Variants in BRSK2 observed in about 807,000 individuals in gnomAD.
BRSK2 encodes the protein serine/threonine-protein kinase BRSK2.
In BRSK2, 19 loss-of-function variants were observed where a neutral mutation model predicts 83.3. That is an observed-to-expected ratio of 0.23 (90% CI 0.16 to 0.33). The LOEUF is 0.33. Among genes scored for constraint, BRSK2 ranks in the 10% least tolerant of loss-of-function variants. The probability of loss-of-function intolerance (pLI) is 1.00; values close to 1 mark genes in which losing one functional copy is unlikely to be tolerated. For missense variants in BRSK2, 798 were observed against 1,042.3 expected (o/e 0.77, Z 3.23); for synonymous variants, 519 against 435.4 (o/e 1.19, Z -2.39).
rs1359058323 is a variant in BRSK2, at chr11:1,390,556, C to A, written c.91+181C>A. On this transcript the variant is annotated intron_variant, in intron 1 of 19. Coordinates refer to ENST00000528841, the MANE Select transcript of BRSK2 (RefSeq NM_001256627.2). This position sits in a 1 kb window ranked among gnomAD's most constrained non-coding sequence, Gnocchi z 6.8. ...TGCGCCCCGGTTCCGCCGCGGATCC[C>A]GCAGGCCGCTTGGCTGCGGTCGGCC... Among the ~76,000 whole-genome samples the A allele has an allele frequency of 6.8e-6, 1 of 146,022 alleles. No individual in the cohort carries two copies. The highest frequency in any genetic ancestry group is 2.0e-4 in the East Asian group (1 of 4,994).
rs1851124149 is a variant in BRSK2, at chr11:1,440,800, A to G, written c.285A>G (p.Leu95=). 1.3e-6 allele frequency: 2 copies of G among 1,576,664 alleles called. No homozygotes were observed. Among genetic ancestry groups the G allele is most frequent in the Admixed American group, 1.8e-5 (1 of 54,424 alleles). The change falls in exon 4 of 20, where the codon CTA becomes CTG. Residue 95 remains leucine (L), a synonymous_variant. Coordinates refer to ENST00000528841, the MANE Select transcript of BRSK2 (RefSeq NM_001256627.2). ...YENKKYLYLV[L]EHVSGGELFD... ...CCGTCTCCTGCAGGTACCTGGTGCT[A>G]GAACACGTGTCAGGTGGTGAGCTCT...
At chr11:1,399,309 C>T (rs1846321104) in intron 1 of BRSK2, among the ~76,000 whole-genome samples, 1 of 146,272 alleles carries the variant, frequency 6.8e-6, no homozygotes, top group Non-Finnish European at 1.5e-5. Flanking sequence ...TGGGGTGGTG[C>T]CAGGGGGTTG....
intron 1 of BRSK2, 25 bp from the exon 2 acceptor site, chr11:1,436,015 G>C (rs965493199): frequency 6.3e-7 from 1 of 1,583,348 alleles, no homozygotes; most frequent in Admixed American, 1.7e-5. Flanking sequence ...GGGTGGGTCT[G>C]AGCGCGGCTG....
chr11:1,445,214 G>A, intron 9 of BRSK2, 80 bp from the exon 10 acceptor site: 2 of 1,528,566 alleles, frequency 1.3e-6, no homozygotes, highest in South Asian at 1.2e-5. Flanking sequence ...AGGGCCCCAG[G>A]TGAGGGCGGG....
intron 8 of BRSK2, 56 bp from the exon 9 acceptor site, chr11:1,444,915 T>C (rs942051572): frequency 1.4e-5 from 22 of 1,547,336 alleles, no homozygotes; most frequent in Admixed American, 1.0e-4. Context: ...CACCTCCTAA[T>C]GTGGGCTCTT....
chr11:1,438,088 C>T lies in BRSK2; in HGVS notation c.187-218C>T, dbSNP rs1434779851. ...CCACAGCTGGCACCAAAGGCCCCTG[C>T]GTCCCCCACAGCTGGCACCAAAGGC... On this transcript the variant is annotated intron_variant, in intron 2 of 19. Coordinates refer to ENST00000528841, the MANE Select transcript of BRSK2 (RefSeq NM_001256627.2). The surrounding 1 kb of genome is among the most constrained non-coding windows in gnomAD (Gnocchi z 6.4). Among the ~76,000 whole-genome samples, 3 of 144,128 alleles carry T rather than the reference C, an allele frequency of 2.1e-5. No homozygotes were observed. The highest frequency in any genetic ancestry group is 7.7e-5 in the African/African-American group (3 of 39,154). 94.6% of individuals were successfully genotyped at this position (144,128 alleles called of 152,430 possible).
chr11:1,398,445 A>G (rs887325927), intron 1 of BRSK2, among the ~76,000 whole-genome samples: 1 of 152,114 alleles, frequency 6.6e-6, no homozygotes, highest in Non-Finnish European at 1.5e-5. Flanking sequence ...GGTGGTGGCC[A>G]GGGTGGCCAT....
intron 1 of BRSK2, among the ~76,000 whole-genome samples, chr11:1,407,737 A>C (rs892660803): frequency 6.6e-6 from 1 of 152,262 alleles, no homozygotes; most frequent in African/African-American, 2.4e-5. Context: ...TGTGAAAACC[A>C]GTTAATAGAA....
chr11:1,447,784 C>G (rs756773823), intron 12 of BRSK2: 9 of 1,595,262 alleles, frequency 5.6e-6, no homozygotes, highest in Non-Finnish European at 7.6e-6. Flanking sequence ...TTTTCTCGCT[C>G]TGTTCTGCTG....
intron 5 of BRSK2, 84 bp downstream of exon 5, chr11:1,442,690 C>A: frequency 1.8e-6 from 2 of 1,116,340 alleles, no homozygotes; most frequent in South Asian, 1.3e-5. Flanking sequence ...AGGCCCCCAG[C>A]CTGCCTGAGC....
chr11:1,442,478 C>T lies in BRSK2; in HGVS notation c.414-12C>T, dbSNP rs754988775. 10 of 1,607,662 alleles carry T rather than the reference C, an allele frequency of 6.2e-6. No homozygotes were observed. In the African/African-American group the frequency reaches 1.3e-4, roughly 21 times the overall value. On this transcript the variant is annotated splice_polypyrimidine_tract_variant and intron_variant, in intron 4 of 19. Coordinates refer to ENST00000528841, the MANE Select transcript of BRSK2 (RefSeq NM_001256627.2). ...GACTGGCCCTGTTCAGCCTCACCACCCTCCTCCCCAGCCACAGGGATCTGA... is the reference window on the plus strand; with the variant it reads ...GACTGGCCCTGTTCAGCCTCACCACTCTCCTCCCCAGCCACAGGGATCTGA...
rs1362237707 is a variant in BRSK2, at chr11:1,436,070, C to G, written c.122C>G (p.Thr41Ser). Reference sequence around the variant, plus strand: ...GTGAAGCTGGGGGTTCACTGCGTCACCTGCCAGAAGGTGGCCATCAAGATC... The same window carrying G: ...GTGAAGCTGGGGGTTCACTGCGTCAGCTGCCAGAAGGTGGCCATCAAGATC... ...GLVKLGVHCVTCQKVAIKIVN... is the reference protein window; with the variant it reads ...GLVKLGVHCVSCQKVAIKIVN... The change falls in exon 2 of 20, where the codon ACC (threonine) becomes AGC (serine). Residue 41 changes from threonine (T) to serine (S), a missense_variant. Coordinates refer to ENST00000528841, the MANE Select transcript of BRSK2 (RefSeq NM_001256627.2). 3.1e-6 allele frequency: 5 copies of G among 1,608,716 alleles called. No individual in the cohort carries two copies. The highest frequency in any genetic ancestry group is 4.2e-6 in the Non-Finnish European group (5 of 1,177,984).
At chr11:1,434,253 A>G (rs911672356) in intron 1 of BRSK2, among the ~76,000 whole-genome samples, 8 of 152,212 alleles carry the variant, frequency 5.3e-5, no homozygotes, top group African/African-American at 1.9e-4. Context: ...GCACGGAAGG[A>G]TGGCGGCCAC....
intron 4 of BRSK2, 90 bp from the exon 5 acceptor site, chr11:1,442,400 G>C (rs1851464127): frequency 1.1e-6 from 1 of 929,406 alleles, no homozygotes; most frequent in African/African-American, 1.6e-5. Context: ...CGTTTGGAGA[G>C]GCAGTGGGCT....
At chr11:1,447,737 G>C (rs1852346526) in intron 12 of BRSK2, 1 of 1,522,510 alleles carries the variant, frequency 6.6e-7, no homozygotes, top group Admixed American at 1.9e-5. Flanking sequence ...GGCCCTGGGG[G>C]CCGACCTGTG....
intron 1 of BRSK2, among the ~76,000 whole-genome samples, chr11:1,420,721 C>G (rs963249521): frequency 2.0e-5 from 3 of 152,238 alleles, no homozygotes; most frequent in African/African-American, 7.2e-5. Context: ...CTCCCTGCAG[C>G]CTCCTCCCTG....
At chr11:1,441,054 C>A (rs1310245302) in intron 4 of BRSK2, 126 bp downstream of exon 4, 1 of 797,276 alleles carries the variant, frequency 1.3e-6, no homozygotes, top group Non-Finnish European at 1.9e-6. Flanking sequence ...CACCATGCCC[C>A]CCATTAGCTG....
At chr11:1,411,703 G>T in intron 1 of BRSK2, 1 of 1,527,300 alleles carries the variant, frequency 6.5e-7, no homozygotes. Context: ...GAGGGATGCA[G>T]CCCCCACGGC....
chr11:1,424,526 A>G (rs1206197338), intron 1 of BRSK2, among the ~76,000 whole-genome samples: 1 of 152,112 alleles, frequency 6.6e-6, no homozygotes, highest in African/African-American at 2.4e-5. Flanking sequence ...AAGTGGCAGG[A>G]ACTCCCCCAA....
Sources: allele counts gnomAD v4.1 joint callset (sites outside exome capture counted in the v4.1 genomes callset), GRCh38; gene constraint gnomAD v4.1.1; non-coding constraint Gnocchi (gnomAD v3.1); transcripts MANE v1.5; gene names NCBI Gene and HGNC (gene_info 2026-07-23, HGNC 2026-07-21).